The following CHD6 variants were observed in gnomAD, a reference collection of about 807,000 sequenced individuals.
CHD6 encodes chromodomain helicase DNA binding protein 6.
CHD6 carries 50 observed loss-of-function variants against 276.9 expected under a neutral mutation model. That is an observed-to-expected ratio of 0.18 (90% CI 0.14 to 0.23). CHD6 has a LOEUF of 0.23. Ranked by LOEUF, CHD6 falls within the 10% of genes least tolerant of loss-of-function variation. The probability of loss-of-function intolerance (pLI) is 1.00; values close to 1 mark genes in which losing one functional copy is unlikely to be tolerated. For missense variants in CHD6, 2,564 were observed against 3,365.8 expected, an observed-to-expected ratio of 0.76 and a Z score of 5.89; for synonymous variants, 1,173 against 1,229.3, an observed-to-expected ratio of 0.95 and a Z score of 0.96.
At chr20:41,409,062 G>A (rs932551160) in intron 36 of CHD6, among the ~76,000 whole-genome samples, 3 of 152,240 alleles carry the variant, frequency 2.0e-5, no homozygotes. Flanking sequence ...TGCTTAGAAG[G>A]CACAAGCTAA....
At chr20:41,532,426 G>A (rs1332689583) in intron 3 of CHD6, among the ~76,000 whole-genome samples, 2 of 152,160 alleles carry the variant, frequency 1.3e-5, no homozygotes, top group Admixed American at 6.5e-5. Context: ...ACTGATTCCC[G>A]TGACTGTGCA....
chr20:41,416,562 T>C (rs754242408), intron 33 of CHD6, 26 bp downstream of exon 33: 22 of 1,588,144 alleles, frequency 1.4e-5, no homozygotes, highest in Non-Finnish European at 1.9e-5. Flanking sequence ...CTTTGTTTTG[T>C]GGTCACTCCA....
intron 1 of CHD6, chr20:41,564,248 A>G: frequency 1.7e-6 from 1 of 575,882 alleles, no homozygotes. Context: ...TCTAGATGAC[A>G]TTTTCTCTTC....
intron 1 of CHD6, among the ~76,000 whole-genome samples, chr20:41,610,237 T>C (rs551813502): frequency 2.0e-5 from 3 of 152,304 alleles, no homozygotes; most frequent in Middle Eastern, 3.4e-3. Context: ...TTGATGAATA[T>C]ACTACAATCA....
intron 33 of CHD6, 31 bp from the exon 34 acceptor site, chr20:41,415,669 G>A: frequency 6.7e-7 from 1 of 1,490,648 alleles, no homozygotes. Context: ...AGAGAGGTCT[G>A]AATGTCACAC....
intron 1 of CHD6, among the ~76,000 whole-genome samples, chr20:41,597,080 G>A (rs184160280): frequency 2.6e-5 from 4 of 152,248 alleles, no homozygotes; most frequent in Admixed American, 2.6e-4. Flanking sequence ...AACAGGGAGA[G>A]AAAGAGGGCA....
chr20:41,525,344 C>T (rs528098311), intron 3 of CHD6, among the ~76,000 whole-genome samples: 2 of 152,352 alleles, frequency 1.3e-5, no homozygotes, highest in South Asian at 2.1e-4. Context: ...AACCACACAG[C>T]CATTCTGCAG....
intron 16 of CHD6, among the ~76,000 whole-genome samples, chr20:41,474,098 G>A (rs2043118834): frequency 6.6e-6 from 1 of 152,156 alleles, no homozygotes; most frequent in South Asian, 2.1e-4. Context: ...TGAAACCAAG[G>A]TCTTCTGGAC....
At chr20:41,436,041 T>C (rs1176495390) in intron 27 of CHD6, among the ~76,000 whole-genome samples, 1 of 152,174 alleles carries the variant, frequency 6.6e-6, no homozygotes, top group Admixed American at 6.5e-5. Flanking sequence ...CAGGCTAGTC[T>C]TGAACTCCTG....
chr20:41,486,974 G>A (rs1600985174), intron 14 of CHD6, among the ~76,000 whole-genome samples: 1 of 152,042 alleles, frequency 6.6e-6, no homozygotes, highest in East Asian at 1.9e-4. Context: ...TCAAATAGAT[G>A]TAACCTGTCT....
rs1569093256 is a variant in CHD6 at position 41,451,894 on chromosome 20, T to C, written c.3455A>G (p.Lys1152Arg). The C allele has an allele frequency of 6.8e-6, 11 of 1,614,190 alleles. No homozygotes were observed. The highest frequency in any genetic ancestry group is 9.3e-6 in the Non-Finnish European group (11 of 1,180,016). ...VKHYKGDEKI[K>R]SFIWELITPT... ...TGTGATCAGTTCCCAAATGAAACTC[T>C]TGATCTTCTCGTCCCCCTTATAATG... is the stretch of plus-strand genomic sequence containing the variant. Residue 1152 changes from lysine (K) to arginine (R), a missense_variant, in exon 22 of 37, where the codon AAG becomes AGG. By Grantham distance (26) the Lys-to-Arg change is conservative. Transcript: ENST00000373233.
chr20:41,531,923 T>G (rs2044695397), intron 3 of CHD6, among the ~76,000 whole-genome samples: 1 of 152,198 alleles, frequency 6.6e-6, no homozygotes, highest in South Asian at 2.1e-4. Context: ...CAGTCTGTGT[T>G]TTTTTATGAG....
rs778215281 is a variant in CHD6 at position 41,491,815 on chromosome 20, C to T, written c.1319G>A (p.Arg440Gln). 1.1e-5 allele frequency: 17 copies of T among 1,613,744 alleles called. No individual in the cohort carries two copies. Among genetic ancestry groups the T allele is most frequent in the South Asian group, 3.3e-5 (3 of 91,064 alleles). Reference protein sequence around the residue: ...QVLPEIKHVERPASDSWQKLE... With the variant: ...QVLPEIKHVEQPASDSWQKLE... ...TTTCTGCCAGGAGTCTGAAGCAGGC[C>T]GCTCCTAGGGAGGAAAGCAAACAGC... is the stretch of plus-strand genomic sequence containing the variant. Residue 440 changes from arginine (R) to glutamine (Q), a missense_variant, in exon 11 of 37, where the codon CGG becomes CAG. Around this residue, in one of 7 missense-constraint regions of CHD6, gnomAD observed 457 missense variants for 889.0 expected, o/e 0.51. Transcript: ENST00000373233.
intron 1 of CHD6, among the ~76,000 whole-genome samples, chr20:41,590,437 T>C (rs563501869): frequency 6.6e-6 from 1 of 152,070 alleles, no homozygotes; most frequent in Non-Finnish European, 1.5e-5. Flanking sequence ...ACCCACAGAA[T>C]GGGAGAAAAT....
intron 22 of CHD6, among the ~76,000 whole-genome samples, 153 bp from the exon 23 acceptor site, chr20:41,451,258 G>C (rs1412295151): frequency 6.6e-6 from 1 of 152,182 alleles, no homozygotes; most frequent in Non-Finnish European, 1.5e-5. Flanking sequence ...GTGGTGGTAG[G>C]AAGGAAGGCC....
rs766141251 is a variant in CHD6 at position 41,561,108 on chromosome 20, A to G, written c.-23-9748T>C. 1.3e-4 allele frequency among the ~76,000 whole-genome samples: 20 copies of G among 152,196 alleles called. 1 individual carries two copies. The highest frequency in any genetic ancestry group is 2.1e-4 in the South Asian group (1 of 4,834). On this transcript the variant is annotated intron_variant, in intron 1 of 36. Coordinates refer to ENST00000373233, the MANE Select transcript of CHD6 (RefSeq NM_032221.5). ...ATATGGTCTCAGTTGCAACTACTCA[A>G]TTCTGCTGTGATGTGAAAACAGCCA...
At chr20:41,521,711 T>C (rs1417936754) in intron 3 of CHD6, among the ~76,000 whole-genome samples, 1 of 152,120 alleles carries the variant, frequency 6.6e-6, no homozygotes, top group African/African-American at 2.4e-5. Flanking sequence ...TGTTTAACAC[T>C]GAAGCTCCTC....
intron 3 of CHD6, among the ~76,000 whole-genome samples, chr20:41,524,172 G>A (rs1012268161): frequency 6.6e-6 from 1 of 152,050 alleles, no homozygotes. Context: ...CTGAAAACAT[G>A]GATATCACCT....
intron 2 of CHD6, among the ~76,000 whole-genome samples, chr20:41,535,104 G>C (rs891135661): frequency 6.6e-6 from 1 of 152,092 alleles, no homozygotes; most frequent in African/African-American, 2.4e-5. Flanking sequence ...TACTCCCACC[G>C]AGGCAGCTCT....
Sources: allele counts gnomAD v4.1 joint callset (sites outside exome capture counted in the v4.1 genomes callset), GRCh38; gene constraint gnomAD v4.1.1; regional missense constraint gnomAD v4.1.1; transcripts MANE v1.5; gene names NCBI Gene and HGNC (gene_info 2026-07-23, HGNC 2026-07-21).